The following DGKI variants were observed in gnomAD, a reference collection of about 807,000 sequenced individuals.
The protein encoded by DGKI is DAG kinase iota.
DGKI carries 55 observed loss-of-function variants against 147.5 expected under a neutral mutation model. That is an observed-to-expected ratio of 0.37 (90% CI 0.30 to 0.47). The LOEUF (loss-of-function observed/expected upper bound fraction) is 0.47. Ranked by LOEUF, DGKI falls within the 20% of genes least tolerant of loss-of-function variation. DGKI has a pLI of 1.00. For missense variants in DGKI, 1,007 were observed against 1,323.8 expected, an observed-to-expected ratio of 0.76 and a Z score of 3.71; for synonymous variants, 469 against 477.1, an observed-to-expected ratio of 0.98 and a Z score of 0.22.
At chr7:137,587,519 CAGGGCAT>C (rs1488167182) in intron 12 of DGKI, among the ~76,000 whole-genome samples, 1 of 152,138 alleles carries the variant, frequency 6.6e-6, no homozygotes, top group African/African-American at 2.4e-5. Context: ...GGTAGTATAA[CAGGGCAT>C]AGGAGGGAAT....
intron 23 of DGKI, among the ~76,000 whole-genome samples, chr7:137,484,895 A>G (rs1180992485): frequency 6.6e-6 from 1 of 152,030 alleles, no homozygotes; most frequent in Non-Finnish European, 1.5e-5. Context: ...GGAAAAAAAC[A>G]TAGTCCTGGT....
At chr7:137,553,319 G>A (rs1427754726) in intron 19 of DGKI, among the ~76,000 whole-genome samples, 4 of 152,170 alleles carry the variant, frequency 2.6e-5, no homozygotes, top group African/African-American at 9.6e-5. Context: ...TTAAATAGGT[G>A]TTTGCTTTTT....
intron 6 of DGKI, among the ~76,000 whole-genome samples, chr7:137,636,377 C>T (rs572099987): frequency 6.6e-6 from 1 of 152,268 alleles, no homozygotes; most frequent in African/African-American, 2.4e-5. Context: ...ATCCCATATC[C>T]TTCCTCTTCT....
intron 1 of DGKI, among the ~76,000 whole-genome samples, chr7:137,832,618 T>G (rs1279262627): frequency 6.6e-6 from 1 of 152,194 alleles, no homozygotes; most frequent in African/African-American, 2.4e-5. Context: ...GCTGGGCCTG[T>G]GATAGGAGGG....
chr7:137,599,384 C>A (rs982132463), intron 11 of DGKI, among the ~76,000 whole-genome samples: 2 of 152,030 alleles, frequency 1.3e-5, no homozygotes, highest in African/African-American at 4.8e-5. Flanking sequence ...CTCTCACACA[C>A]AAGCGCGCGC....
chr7:137,703,806 T>G (rs1302217654), intron 1 of DGKI, among the ~76,000 whole-genome samples: 1 of 152,142 alleles, frequency 6.6e-6, no homozygotes, highest in Non-Finnish European at 1.5e-5. Flanking sequence ...ATTTAAAAGG[T>G]CCTGTTTTAA....
intron 1 of DGKI, among the ~76,000 whole-genome samples, chr7:137,785,674 CAG>C (rs1477672552): frequency 2.6e-5 from 4 of 151,632 alleles, no homozygotes; most frequent in African/African-American, 9.7e-5. Flanking sequence ...ATTAAAAAAA[CAG>C]AAAACTACAG....
chr7:137,528,937 T>C (rs1817243433), intron 20 of DGKI, among the ~76,000 whole-genome samples: 1 of 152,186 alleles, frequency 6.6e-6, no homozygotes. Context: ...GTTACAAAAA[T>C]AATCAGTCAC....
intron 1 of DGKI, among the ~76,000 whole-genome samples, chr7:137,809,693 G>GCTCA (rs1797499408): frequency 6.6e-6 from 1 of 152,108 alleles, no homozygotes; most frequent in Non-Finnish European, 1.5e-5. Context: ...GATTGCTTAA[G>GCTCA]CTCAGTTCAA....
chr7:137,763,571 C>G (rs1194215280), intron 1 of DGKI, among the ~76,000 whole-genome samples: 1 of 152,224 alleles, frequency 6.6e-6, no homozygotes, highest in East Asian at 1.9e-4. Context: ...CTCTCATCTA[C>G]AGTGTGTGAA....
chr7:137,429,461 C>G (rs1812969632), intron 28 of DGKI, among the ~76,000 whole-genome samples: 1 of 150,684 alleles, frequency 6.6e-6, no homozygotes, highest in Non-Finnish European at 1.5e-5. Context: ...TAGAAGAAAA[C>G]CTAGGCATTA....
chr7:137,481,975 C>T (rs978497453), intron 23 of DGKI, among the ~76,000 whole-genome samples: 8 of 151,858 alleles, frequency 5.3e-5, no homozygotes, highest in Non-Finnish European at 1.0e-4. Context: ...GGCATTTCGT[C>T]GTTCATGTTT....
At chr7:137,730,129 T>C (rs756842668) in intron 1 of DGKI, among the ~76,000 whole-genome samples, 3 of 152,140 alleles carry the variant, frequency 2.0e-5, no homozygotes, top group Non-Finnish European at 4.4e-5. Flanking sequence ...ATGGCATTCA[T>C]GCCTATAGCT....
chr7:137,737,679 T>C (rs779794760), intron 1 of DGKI, among the ~76,000 whole-genome samples: 1 of 152,130 alleles, frequency 6.6e-6, no homozygotes, highest in Non-Finnish European at 1.5e-5. Context: ...TTGAAATGCC[T>C]CTAAACATTA....
chr7:137,465,934 A>G lies in DGKI; in HGVS notation c.2586T>C (p.Pro862=), dbSNP rs376867128. Residue 862 remains proline, a synonymous_variant, in exon 26 of 33, where the codon CCT becomes CCC. Coordinates refer to ENST00000614521, the MANE Select transcript of DGKI (RefSeq NM_001321708.2). ...CCGAGGCTTGTTCCACCACCAGGTCAGGCATGCCCGGAGGTGTCCCCGCCG... is the reference window on the plus strand; with the variant it reads ...CCGAGGCTTGTTCCACCACCAGGTCGGGCATGCCCGGAGGTGTCCCCGCCG... ...SQPAGTPPGM[P]DLVVEQASGI... is the part of the protein sequence containing the mutation. 1.2e-6 allele frequency: 2 copies of G among 1,613,948 alleles called. No homozygotes were observed. Among genetic ancestry groups the G allele is most frequent in the Non-Finnish European group, 1.7e-6 (2 of 1,179,958 alleles).
At chr7:137,653,424 A>G (rs1822108174) in intron 5 of DGKI, among the ~76,000 whole-genome samples, 1 of 152,168 alleles carries the variant, frequency 6.6e-6, no homozygotes, top group East Asian at 1.9e-4. Context: ...CCTCCCAACT[A>G]TCCTGATGAT....
At chr7:137,807,087 T>C (rs952753778) in intron 1 of DGKI, among the ~76,000 whole-genome samples, 2 of 152,214 alleles carry the variant, frequency 1.3e-5, no homozygotes, top group Non-Finnish European at 2.9e-5. Context: ...ATGTCAGTGA[T>C]CTGTTCTGTG....
intron 5 of DGKI, among the ~76,000 whole-genome samples, chr7:137,648,430 C>T (rs1273694597): frequency 6.6e-6 from 1 of 152,188 alleles, no homozygotes; most frequent in East Asian, 1.9e-4. Flanking sequence ...TCATCATTTG[C>T]ACTGCAACAC....
chr7:137,571,018 A>T (rs1818775252), intron 19 of DGKI, among the ~76,000 whole-genome samples, 157 bp downstream of exon 19: 1 of 152,222 alleles, frequency 6.6e-6, no homozygotes, highest in South Asian at 2.1e-4. Context: ...AGTGACATAA[A>T]TGATGATTTT....
Sources: allele counts gnomAD v4.1 joint callset (sites outside exome capture counted in the v4.1 genomes callset), GRCh38; gene constraint gnomAD v4.1.1; transcripts MANE v1.5; gene names NCBI Gene and HGNC (gene_info 2026-07-23, HGNC 2026-07-21).